Variants in CDC42SE2 observed in about 807,000 individuals in gnomAD.
The protein encoded by CDC42SE2 is CDC42 small effector protein 2.
CDC42SE2 carries 3 observed loss-of-function variants against 11.5 expected under a neutral mutation model. That is an observed-to-expected ratio of 0.26 (90% CI 0.12 to 0.67). The LOEUF (loss-of-function observed/expected upper bound fraction) is 0.67, where lower values mean the gene tolerates loss of function less well. Among genes scored for constraint, CDC42SE2 ranks in the 30% least tolerant of loss-of-function variants. The probability of loss-of-function intolerance (pLI) is 0.80; values close to 1 mark genes in which losing one functional copy is unlikely to be tolerated. For synonymous variants in CDC42SE2, 33 were observed against 34.8 expected (o/e 0.95, Z 0.18); for missense variants, 82 against 106.8 (o/e 0.77, Z 1.02).
the CDC42SE2 span, among the ~76,000 whole-genome samples, chr5:131,239,124 C>T: frequency 6.6e-6 from 1 of 151,468 alleles, no homozygotes; most frequent in African/African-American, 2.4e-5. Flanking sequence ...TGCACCACTG[C>T]ACTCCAGCCT....
At chr5:131,315,425 G>A (rs1758021198) in intron 1 of CDC42SE2, among the ~76,000 whole-genome samples, 1 of 152,156 alleles carries the variant, frequency 6.6e-6, no homozygotes, top group Admixed American at 6.5e-5. Context: ...ACGTAGCAGA[G>A]TTTGCAAGCT....
At chr5:131,298,187 C>G (rs1561576351) in intron 1 of CDC42SE2, among the ~76,000 whole-genome samples, 1 of 151,632 alleles carries the variant, frequency 6.6e-6, no homozygotes, top group Non-Finnish European at 1.5e-5. Flanking sequence ...AGCGCAACCT[C>G]TGCCTCCTGG....
chr5:131,223,541 G>T, the CDC42SE2 span, among the ~76,000 whole-genome samples: 1 of 151,996 alleles, frequency 6.6e-6, no homozygotes, highest in South Asian at 2.1e-4. Context: ...AACTATTTCT[G>T]TTCTGTTTTA....
At chr5:131,236,412 G>A in the CDC42SE2 span, among the ~76,000 whole-genome samples, 1 of 151,966 alleles carries the variant, frequency 6.6e-6, no homozygotes, top group South Asian at 2.1e-4. Context: ...GTAGATAGAG[G>A]TTAAGTTTAC....
chr5:131,337,535 G>A (rs543421453), intron 2 of CDC42SE2, among the ~76,000 whole-genome samples: 1 of 152,340 alleles, frequency 6.6e-6, no homozygotes, highest in East Asian at 1.9e-4. Flanking sequence ...GGTTATTGCT[G>A]TCTTTTGTTT....
chr5:131,347,653 G>T (rs553205832), intron 2 of CDC42SE2, among the ~76,000 whole-genome samples: 4 of 152,262 alleles, frequency 2.6e-5, no homozygotes, highest in African/African-American at 9.6e-5. Flanking sequence ...ATTTTATGAG[G>T]TCAACATCAT....
At chr5:131,329,879 CAAA>C (rs747152132) in intron 2 of CDC42SE2, among the ~76,000 whole-genome samples, 1 of 56,618 alleles carries the variant, frequency 1.8e-5, no homozygotes, top group Non-Finnish European at 4.0e-5. Context: ...AACTCCATCT[CAAA>C]AAAAAAAAAA....
At chr5:131,315,345 A>G (rs1011689249) in intron 1 of CDC42SE2, among the ~76,000 whole-genome samples, 1 of 152,156 alleles carries the variant, frequency 6.6e-6, no homozygotes, top group African/African-American at 2.4e-5. Context: ...ATGCTATATT[A>G]TATCCTCAAG....
At chr5:131,330,915 A>G (rs897897413) in intron 2 of CDC42SE2, among the ~76,000 whole-genome samples, 3 of 151,398 alleles carry the variant, frequency 2.0e-5, no homozygotes, top group African/African-American at 4.9e-5. Context: ...AGTCATAGCT[A>G]CTCTAGAGGC....
At chr5:131,285,607 C>G (rs778037232) in intron 1 of CDC42SE2, among the ~76,000 whole-genome samples, 4 of 152,110 alleles carry the variant, frequency 2.6e-5, no homozygotes, top group Admixed American at 6.5e-5. Context: ...TTGTTTCTTT[C>G]AGAGCTCCTT....
At chr5:131,248,804 G>A (rs868198545) in intron 1 of CDC42SE2, among the ~76,000 whole-genome samples, 34 of 152,116 alleles carry the variant, frequency 2.2e-4, no homozygotes, top group African/African-American at 7.5e-4. Context: ...TAAGAAACAC[G>A]AAAAAGTTCT....
intron 1 of CDC42SE2, among the ~76,000 whole-genome samples, chr5:131,249,618 T>C (rs990186157): frequency 1.3e-5 from 2 of 152,178 alleles, no homozygotes; most frequent in Non-Finnish European, 2.9e-5. Flanking sequence ...GACTTTACTG[T>C]CAAAAACAAA....
chr5:131,365,906 C>T (rs1035109879), intron 3 of CDC42SE2, among the ~76,000 whole-genome samples: 2 of 152,096 alleles, frequency 1.3e-5, no homozygotes, highest in Admixed American at 6.6e-5. Flanking sequence ...GGTGTGAACC[C>T]GGGAAGCGGA....
rs1186678582 is a variant in CDC42SE2, at chr5:131,247,508, A to G, written n.107+1909A>G. 4.6e-5 allele frequency among the ~76,000 whole-genome samples: 7 copies of G among 152,212 alleles called. No individual in the cohort carries two copies. In the East Asian group the frequency reaches 9.7e-4, roughly 21 times the overall value. The stretch of plus-strand genomic sequence containing the variant: ...GTGGTGGGCGCCTGTGATCCCAGCT[A>G]CTTGGGAGGCTGAGGCAAGAGAATC... On this transcript the variant is annotated intron_variant and non_coding_transcript_variant, in intron 1 of 3. Coordinates refer to the CDC42SE2 transcript ENST00000502840.
chr5:131,288,075 C>G (rs1757378421), intron 1 of CDC42SE2, among the ~76,000 whole-genome samples: 1 of 151,904 alleles, frequency 6.6e-6, no homozygotes, highest in South Asian at 2.1e-4. Flanking sequence ...GAGACTCTAT[C>G]TCTATCAAAA....
intron 2 of CDC42SE2, among the ~76,000 whole-genome samples, chr5:131,318,901 T>C (rs1404328084): frequency 6.6e-6 from 1 of 152,094 alleles, no homozygotes; most frequent in Non-Finnish European, 1.5e-5. Context: ...ATGCATTCTT[T>C]TTTTTCTTTT....
chr5:131,251,139 C>T (rs1756635632), intron 1 of CDC42SE2, among the ~76,000 whole-genome samples: 1 of 151,986 alleles, frequency 6.6e-6, no homozygotes. Flanking sequence ...TTAGCAATAA[C>T]AAATAAATGA....
rs147981536 is a variant in CDC42SE2, at chr5:131,250,738, A to G, written n.108-4357A>G. On this transcript the variant is annotated intron_variant and non_coding_transcript_variant, in intron 1 of 3. Transcript: ENST00000502840. ...CCCTCATGTAAAAACTATGAACTTT[A>G]GTTAACAAAACTATAGCTTGGGCCA... 2.6e-5 allele frequency among the ~76,000 whole-genome samples: 4 copies of G among 152,348 alleles called. No individual in the cohort carries two copies. In the East Asian group the frequency reaches 7.7e-4, roughly 29 times the overall value.
intron 1 of CDC42SE2, among the ~76,000 whole-genome samples, chr5:131,246,019 C>T (rs141996604): frequency 6.6e-6 from 1 of 152,164 alleles, no homozygotes; most frequent in African/African-American, 2.4e-5. Context: ...TGCCTGAATT[C>T]TTTCATATTG....
Sources: allele counts gnomAD v4.1 joint callset (sites outside exome capture counted in the v4.1 genomes callset), GRCh38; gene constraint gnomAD v4.1.1; transcripts MANE v1.5; gene names NCBI Gene and HGNC (gene_info 2026-07-23, HGNC 2026-07-21).